TUBA1C: variants seen among roughly 807,000 people sequenced by gnomAD.
TUBA1C encodes the protein tubulin alpha 1c.
TUBA1C carries 16 observed loss-of-function variants against 34.9 expected under a neutral mutation model. The observed-to-expected ratio is 0.46, with a 90% confidence interval of 0.31 to 0.70. The LOEUF is 0.70. Among genes scored for constraint, TUBA1C ranks in the 30% least tolerant of loss-of-function variants. The pLI is 0.05. For missense variants in TUBA1C, 329 were observed against 587.3 expected, an observed-to-expected ratio of 0.56 and a Z score of 4.55; for synonymous variants, 177 against 215.9, an observed-to-expected ratio of 0.82 and a Z score of 1.58.
chr12:49,233,839 AGCGTCTGCTCAGT>A (rs1034573792), intron 1 of TUBA1C: 2 of 152,318 alleles, frequency 1.3e-5, no homozygotes, highest in Non-Finnish European at 2.9e-5. Flanking sequence ...CGTAAGCGAA[AGCGTCTGCTCAGT>A]GCAGGGCAGC....
chr12:49,257,714 G>C (rs1402527467), intron 1 of TUBA1C, among the ~76,000 whole-genome samples: 1 of 151,974 alleles, frequency 6.6e-6, no homozygotes, highest in Non-Finnish European at 1.5e-5. Flanking sequence ...AGGAAGTTGA[G>C]GCTGCAGTGA....
At position 49,265,305 on chromosome 12, in the gene TUBA1C, C is replaced by A; in HGVS notation, c.3+121C>A. 8.4e-6 allele frequency: 6 copies of A among 713,116 alleles called. No individual in the cohort carries two copies. In the South Asian group the frequency reaches 1.6e-4, roughly 19 times the overall value. 44.2% of individuals were successfully genotyped at this position (713,116 alleles called of 1,614,324 possible). On this transcript the variant is annotated intron_variant, in intron 1 of 3. Transcript: ENST00000301072. ...AGCTCCAGACTACCCCGGGCCCCTC[C>A]GGTTAACCTGGCTTGTGGCGGCCGG...
chr12:49,253,455 G>A (rs755858017), intron 1 of TUBA1C, among the ~76,000 whole-genome samples: 3 of 151,974 alleles, frequency 2.0e-5, no homozygotes, highest in African/African-American at 4.8e-5. Flanking sequence ...TACTGGTTTC[G>A]TAGAGCTAAA....
Position 49,269,450 on chromosome 12 carries a change from T to C in TUBA1C, c.4-15T>C, listed in dbSNP as rs776625532. On this transcript the variant is annotated splice_polypyrimidine_tract_variant and intron_variant, in intron 1 of 3. Coordinates refer to ENST00000301072, the MANE Select transcript of TUBA1C (RefSeq NM_032704.5). ...ATGTATTATACCCTGACATTTTCCT[T>C]TCTTCCTCCCACAGCGTGAGTGCAT... 1.2e-6 allele frequency: 2 copies of C among 1,613,984 alleles called. No homozygotes were observed. The highest frequency in any genetic ancestry group is 4.5e-5 in the East Asian group (2 of 44,904).
chr12:49,270,207 C>A, intron 3 of TUBA1C: 1 of 785,772 alleles, frequency 1.3e-6, no homozygotes, highest in Non-Finnish European at 2.1e-6. Flanking sequence ...TGAGACACCC[C>A]TTTTGAGGTC....
intron 1 of TUBA1C, among the ~76,000 whole-genome samples, chr12:49,244,110 A>T: frequency 6.7e-6 from 1 of 150,222 alleles, no homozygotes; most frequent in Non-Finnish European, 1.5e-5. Flanking sequence ...AGATTGTGCC[A>T]CTGCACTCCA....
intron 1 of TUBA1C, among the ~76,000 whole-genome samples, chr12:49,268,491 C>A (rs12581057): frequency 0.036 from 5,455 of 152,130 alleles, 137 homozygotes; most frequent in East Asian, 0.11. Flanking sequence ...GATCTGCTCA[C>A]CTTGGCCTCC....
chr12:49,266,913 C>G (rs1942921998), intron 1 of TUBA1C, among the ~76,000 whole-genome samples: 2 of 152,160 alleles, frequency 1.3e-5, no homozygotes, highest in South Asian at 4.1e-4. Context: ...CTTATTGCTT[C>G]TTTTCAAGCA....
At chr12:49,256,609 C>A in intron 1 of TUBA1C, 1 of 269,960 alleles carries the variant, frequency 3.7e-6, no homozygotes, top group Non-Finnish European at 7.7e-6. Flanking sequence ...TTCAGGGGTT[C>A]TAAAGGGCTT....
chr12:49,264,377 CA>C (rs2137014110), upstream of TUBA1C, among the ~76,000 whole-genome samples: 1 of 152,302 alleles, frequency 6.6e-6, no homozygotes, highest in African/African-American at 2.4e-5. Context: ...GAAAAGCAAC[CA>C]AAAAGGTGGG....
intron 1 of TUBA1C, among the ~76,000 whole-genome samples, chr12:49,243,833 A>G (rs185739340): frequency 7.4e-4 from 113 of 152,152 alleles, no homozygotes; most frequent in Non-Finnish European, 1.0e-4. Flanking sequence ...GGAAATTGAG[A>G]CTTGTAATAC....
At chr12:49,230,723 G>T (rs965371359) in intron 1 of TUBA1C, among the ~76,000 whole-genome samples, 1 of 152,190 alleles carries the variant, frequency 6.6e-6, no homozygotes, top group Non-Finnish European at 1.5e-5. Context: ...TCTCACTTCA[G>T]ATATTAGGTT....
chr12:49,265,260 C>T lies in TUBA1C; in HGVS notation c.3+76C>T, dbSNP rs1942890174. On this transcript the variant is annotated intron_variant, in intron 1 of 3. Coordinates refer to ENST00000301072, the MANE Select transcript of TUBA1C (RefSeq NM_032704.5). Reference sequence around the variant, plus strand: ...GCGGGCCCGGAAACTACTGCCTGCACCTCGGGCCGCGCCCAGGACAGCTCC... The same window carrying T: ...GCGGGCCCGGAAACTACTGCCTGCATCTCGGGCCGCGCCCAGGACAGCTCC... 5 of 1,308,310 alleles carry T rather than the reference C, an allele frequency of 3.8e-6. No individual in the cohort carries two copies. In the South Asian group the frequency reaches 7.0e-5, roughly 18 times the overall value. 81.0% of individuals were successfully genotyped at this position (1,308,310 alleles called of 1,614,324 possible). A position where few individuals can be genotyped will look rare whatever the true frequency, so the allele number is the denominator to read the frequency against.
At chr12:49,239,080 C>T (rs1412040563) in intron 1 of TUBA1C, among the ~76,000 whole-genome samples, 2 of 152,220 alleles carry the variant, frequency 1.3e-5, no homozygotes, top group Non-Finnish European at 2.9e-5. Flanking sequence ...ACCGGATCCC[C>T]ATCCACTGTA....
At chr12:49,265,621 C>T (rs1168304733) in intron 1 of TUBA1C, among the ~76,000 whole-genome samples, 3 of 152,238 alleles carry the variant, frequency 2.0e-5, no homozygotes, top group African/African-American at 7.2e-5. Flanking sequence ...CACTTCCTGG[C>T]TCCCCCTCTC....
In TUBA1C at chr12:49,274,412, G is replaced by GT. The variant is rs1448879303; in HGVS notation, c.*1186dup. 2.0e-5 allele frequency: 3 copies of GT among 149,334 alleles called. No individual in the cohort carries two copies. The highest frequency in any genetic ancestry group is 7.4e-5 in the African/African-American group (3 of 40,286). The allele number at this position is 149,334 out of a possible 1,614,324, so 9.3% of individuals were successfully genotyped here. ...CTCCCAAAGTGCTGGGATTACAGGA[G>GT]TGAGCCACTACACCTGGCCCCTAGA... On this transcript the variant is annotated 3_prime_UTR_variant, in exon 4 of 4. Transcript: ENST00000301072.
intron 3 of TUBA1C, among the ~76,000 whole-genome samples, chr12:49,271,863 A>G (rs551077416): frequency 3.7e-4 from 56 of 152,316 alleles, no homozygotes; most frequent in Non-Finnish European, 6.3e-4. Context: ...AGGCCTTGTG[A>G]TTCCTCTGCC....
chr12:49,228,025 T>C, exon 1 of TUBA1C: 2 of 1,535,734 alleles, frequency 1.3e-6, no homozygotes, highest in Non-Finnish European at 1.7e-6. Context: ...AATTAGATCC[T>C]TCAAATGGAT....
chr12:49,267,384 C>T (rs1389400650), intron 1 of TUBA1C, among the ~76,000 whole-genome samples: 1 of 152,076 alleles, frequency 6.6e-6, no homozygotes, highest in Non-Finnish European at 1.5e-5. Flanking sequence ...TGATGCCGGG[C>T]GTGGTGGCTC....
Sources: allele counts gnomAD v4.1 joint callset (sites outside exome capture counted in the v4.1 genomes callset), GRCh38; gene constraint gnomAD v4.1.1; transcripts MANE v1.5; gene names NCBI Gene and HGNC (gene_info 2026-07-23, HGNC 2026-07-21).